Variants in MBD5 observed in about 807,000 individuals in gnomAD.
MBD5 encodes the protein methyl-CpG binding domain protein 5, also known as methyl-CpG-binding domain protein 5.
In MBD5, 13 loss-of-function variants were observed where a neutral mutation model predicts 117.3. The ratio of observed to expected loss-of-function variants is 0.11; its 90% CI spans 0.07 to 0.18. The LOEUF is 0.18. Ranked by LOEUF, MBD5 falls within the 10% of genes least tolerant of loss-of-function variation. MBD5 has a pLI of 1.00. For synonymous variants in MBD5, 727 were observed against 766.4 expected, an observed-to-expected ratio of 0.95 and a Z score of 0.85; for missense variants, 1,879 against 2,093.8, an observed-to-expected ratio of 0.90 and a Z score of 2.00.
chr2:148,265,959 G>T (rs1351290309), intron 3 of MBD5, among the ~76,000 whole-genome samples: 1 of 152,016 alleles, frequency 6.6e-6, no homozygotes, highest in Non-Finnish European at 1.5e-5. Flanking sequence ...AATTTGAAAA[G>T]AATGGGAGGA....
Position 148,516,433 on chromosome 2 carries a change from A to G in MBD5, c.*3492A>G, listed in dbSNP as rs760789118. On this transcript the variant is annotated 3_prime_UTR_variant, in exon 14 of 14. Coordinates refer to ENST00000642680, the MANE Select transcript of MBD5 (RefSeq NM_001378120.1). ...GTAATGCAAGACTCAAGACTTTTCAATGTAGTATATCAAATGAGTTGTGCA... is the reference window on the plus strand; with the variant it reads ...GTAATGCAAGACTCAAGACTTTTCAGTGTAGTATATCAAATGAGTTGTGCA... 2.6e-5 allele frequency: 4 copies of G among 152,336 alleles called. No individual in the cohort carries two copies. The highest frequency in any genetic ancestry group is 3.4e-3 in the Middle Eastern group (1 of 294). 9.4% of individuals were successfully genotyped at this position (152,336 alleles called of 1,614,324 possible). A position where few individuals can be genotyped will look rare whatever the true frequency, so the allele number is the denominator to read the frequency against.
chr2:148,195,127 G>T (rs1162554520), intron 2 of MBD5, among the ~76,000 whole-genome samples: 1 of 144,554 alleles, frequency 6.9e-6, no homozygotes, highest in East Asian at 1.9e-4. Flanking sequence ...TTTGTAGGGG[G>T]TTAGATATAG....
intron 1 of MBD5, among the ~76,000 whole-genome samples, chr2:148,176,479 A>G (rs1698392436): frequency 1.3e-5 from 2 of 151,334 alleles, no homozygotes; most frequent in South Asian, 4.2e-4. Flanking sequence ...ATCTCAGCTC[A>G]CCGCAACCTC....
chr2:148,280,370 C>T (rs1701221124), intron 3 of MBD5, among the ~76,000 whole-genome samples: 2 of 152,070 alleles, frequency 1.3e-5, no homozygotes, highest in Admixed American at 6.6e-5. Context: ...GATTTCCATC[C>T]TCACAGTTAC....
At chr2:148,088,889 CCACTT>C (rs978268981) in intron 1 of MBD5, among the ~76,000 whole-genome samples, 5 of 152,116 alleles carry the variant, frequency 3.3e-5, no homozygotes, top group African/African-American at 1.2e-4. Context: ...CCTGAATACT[CCACTT>C]CAAAGGTACA....
intron 1 of MBD5, among the ~76,000 whole-genome samples, chr2:148,166,419 A>AC (rs1698126752): frequency 6.6e-6 from 1 of 152,204 alleles, no homozygotes; most frequent in Non-Finnish European, 1.5e-5. Context: ...GATAAAAATC[A>AC]GGCATTACTG....
intron 3 of MBD5, among the ~76,000 whole-genome samples, chr2:148,328,219 C>A (rs1417159455): frequency 1.3e-5 from 2 of 152,208 alleles, no homozygotes; most frequent in African/African-American, 2.4e-5. Flanking sequence ...CAGCTGCGTA[C>A]TGGGAGGACC....
chr2:148,028,195 T>G (rs937901397), intron 1 of MBD5: 2 of 152,074 alleles, frequency 1.3e-5, no homozygotes, highest in African/African-American at 4.8e-5. Flanking sequence ...TCAGTGTCAT[T>G]GAGTAGATTA....
chr2:148,260,536 C>T (rs756360749), intron 3 of MBD5: 3 of 175,946 alleles, frequency 1.7e-5, no homozygotes, highest in Non-Finnish European at 2.5e-5. Context: ...ATATTTTGAC[C>T]TCTTCCCATG....
At position 148,485,920 on chromosome 2, in the gene MBD5, C is replaced by A. The variant is rs935709919; in HGVS notation, c.3723C>A (p.Asn1241Lys). The A allele has an allele frequency of 3.1e-6, 5 of 1,613,974 alleles. No individual in the cohort carries two copies. The African/African-American group carries it at 4.0e-5, about 13-fold the overall frequency. ...CAATTCCTTGCCCAGCTAACAATAA[C>A]CCCATGGCTTGTCTGTTTCAGAACT... ...QSTIPCPANN[N>K]PMACLFQNFQ... The change falls in exon 10 of 14, where the codon AAC (asparagine) becomes AAA (lysine). Residue 1241 changes from asparagine (N) to lysine (K), a missense_variant. By Grantham distance (94) the Asn-to-Lys change is moderately conservative (BLOSUM62 0). Coordinates refer to ENST00000642680, the MANE Select transcript of MBD5 (RefSeq NM_001378120.1).
intron 4 of MBD5, among the ~76,000 whole-genome samples, chr2:148,386,043 T>G (rs940822853): frequency 1.3e-4 from 20 of 151,330 alleles, no homozygotes; most frequent in Admixed American, 1.3e-3. Flanking sequence ...CACACCAACA[T>G]GGCACATGTA....
chr2:148,023,842 G>C (rs1338866603), intron 1 of MBD5, among the ~76,000 whole-genome samples: 1 of 151,670 alleles, frequency 6.6e-6, no homozygotes, highest in Non-Finnish European at 1.5e-5. Context: ...GAAGATTGCA[G>C]ACTTTATCTA....
At chr2:148,274,424 T>C (rs1701054480) in intron 3 of MBD5, among the ~76,000 whole-genome samples, 1 of 151,832 alleles carries the variant, frequency 6.6e-6, no homozygotes, top group Admixed American at 6.6e-5. Flanking sequence ...ACTTTTTTGT[T>C]GAAATAATCT....
chr2:148,085,338 CAA>C (rs938421028), intron 1 of MBD5, among the ~76,000 whole-genome samples: 19 of 152,178 alleles, frequency 1.2e-4, no homozygotes, highest in African/African-American at 4.3e-4. Flanking sequence ...ACATCCAAAA[CAA>C]GAGAAATTTT....
intron 1 of MBD5, among the ~76,000 whole-genome samples, chr2:148,084,141 C>T (rs1280302205): frequency 6.6e-6 from 1 of 152,126 alleles, no homozygotes; most frequent in Admixed American, 6.5e-5. Context: ...CTGTGTAGTA[C>T]TTATTGCATT....
At chr2:148,239,520 A>G (rs915407643) in intron 3 of MBD5, among the ~76,000 whole-genome samples, 3 of 152,034 alleles carry the variant, frequency 2.0e-5, no homozygotes, top group Non-Finnish European at 4.4e-5. Context: ...CCTTTTCCAT[A>G]TTTGTTTAAA....
chr2:148,062,052 T>C (rs1199777110), intron 1 of MBD5: 1 of 151,802 alleles, frequency 6.6e-6, no homozygotes. Flanking sequence ...CATAGTAACA[T>C]TGCATTGTCA....
intron 4 of MBD5, among the ~76,000 whole-genome samples, chr2:148,431,223 A>C (rs1419025263): frequency 6.6e-6 from 1 of 152,044 alleles, no homozygotes; most frequent in Non-Finnish European, 1.5e-5. Context: ...CTTATTTTTC[A>C]TAGAAACATT....
chr2:148,492,498 A>C (rs1247519947), intron 11 of MBD5, among the ~76,000 whole-genome samples: 1 of 152,076 alleles, frequency 6.6e-6, no homozygotes, highest in Admixed American at 6.5e-5. Context: ...ACATGTAATA[A>C]AATATTAATG....
Sources: gnomAD v4.1 joint callset for allele counts (sites outside exome capture counted in the v4.1 genomes callset) on GRCh38, gnomAD v4.1.1 for gene constraint, MANE v1.5 for transcripts, NCBI Gene and HGNC (gene_info 2026-07-23, HGNC 2026-07-21) for gene names.